Variants in NXPH1 observed in about 807,000 individuals in gnomAD.
NXPH1 encodes the protein neurexophilin-1.
In NXPH1, 5 loss-of-function variants were observed where a neutral mutation model predicts 23.7. That is an observed-to-expected ratio of 0.21 (90% CI 0.11 to 0.44). The LOEUF (loss-of-function observed/expected upper bound fraction) is 0.44, where lower values mean the gene tolerates loss of function less well. NXPH1 is among the 20% of genes least tolerant of loss of function. The pLI is 0.99. For synonymous variants in NXPH1, 144 were observed against 122.2 expected (o/e 1.18, Z -1.18); for missense variants, 324 against 321.6 (o/e 1.01, Z -0.06).
At chr7:8,645,562 T>G in intron 2 of NXPH1, among the ~76,000 whole-genome samples, 1 of 152,104 alleles carries the variant, frequency 6.6e-6, no homozygotes. Context: ...CAACCCTTTT[T>G]TGATTATATC....
At chr7:8,716,984 G>T (rs775688548) in intron 2 of NXPH1, among the ~76,000 whole-genome samples, 40 of 152,154 alleles carry the variant, frequency 2.6e-4, no homozygotes, top group African/African-American at 9.7e-4. Context: ...TGGTGCCCCA[G>T]TACCCACCTT....
chr7:8,445,152 G>A (rs1191880589), intron 2 of NXPH1, among the ~76,000 whole-genome samples: 1 of 152,198 alleles, frequency 6.6e-6, no homozygotes, highest in African/African-American at 2.4e-5. Context: ...AATTAAGGAA[G>A]TGCTTATATT....
intron 2 of NXPH1, among the ~76,000 whole-genome samples, chr7:8,456,989 CAT>C (rs1816606668): frequency 6.6e-6 from 1 of 152,190 alleles, no homozygotes; most frequent in African/African-American, 2.4e-5. Flanking sequence ...ATCTTCTAAA[CAT>C]TGTCCCTGGC....
In NXPH1 at chr7:8,570,809, T is replaced by C. The variant is rs1360537532; in HGVS notation, c.54+135042T>C. On this transcript the variant is annotated intron_variant, in intron 2 of 2. Coordinates refer to ENST00000405863, the MANE Select transcript of NXPH1 (RefSeq NM_152745.3). ...TGGAATGGAAAGGAACAGGGCATGA[T>C]ACAGTCATGGTAGATTGGGTGGTTT... is the stretch of plus-strand genomic sequence containing the variant. Among the ~76,000 whole-genome samples the C allele has an allele frequency of 2.0e-5, 3 of 151,848 alleles. No individual in the cohort carries two copies. The East Asian group carries it at 5.8e-4, about 29-fold the overall frequency.
intron 2 of NXPH1, among the ~76,000 whole-genome samples, chr7:8,486,027 A>G (rs958614404): frequency 1.3e-5 from 2 of 152,186 alleles, no homozygotes; most frequent in African/African-American, 4.8e-5. Context: ...ATGCCTAGAA[A>G]GAGTTACTCT....
intron 2 of NXPH1, among the ~76,000 whole-genome samples, chr7:8,695,097 G>C (rs1821285564): frequency 6.6e-6 from 1 of 152,160 alleles, no homozygotes; most frequent in Non-Finnish European, 1.5e-5. Flanking sequence ...AATATTCATT[G>C]CTGATATTAT....
intron 2 of NXPH1, among the ~76,000 whole-genome samples, chr7:8,479,190 A>G (rs1248898178): frequency 6.6e-6 from 1 of 152,140 alleles, no homozygotes; most frequent in Non-Finnish European, 1.5e-5. Context: ...ATTTAATAAA[A>G]TGAATATAAG....
rs1316303029 is a variant in NXPH1, at chr7:8,528,465, CAT to C, written c.54+92699_54+92700del. The stretch of plus-strand genomic sequence containing the variant: ...CACAAGTAAACAACATGTACAGACA[CAT>C]GATTCATTTTAACATGAAATCTGCA... On this transcript the variant is annotated intron_variant, in intron 2 of 2. Coordinates refer to ENST00000405863, the MANE Select transcript of NXPH1 (RefSeq NM_152745.3). Among the ~76,000 whole-genome samples, 6 of 152,250 alleles carry C rather than the reference CAT, an allele frequency of 3.9e-5. No homozygotes were observed. In the East Asian group the frequency reaches 7.7e-4, roughly 19 times the overall value.
At position 8,510,845 on chromosome 7, in the gene NXPH1, C is replaced by T. The variant is rs142291418; in HGVS notation, c.54+75078C>T. ...CCACTCTACACTGAAAGTATAGTCTCTCTCAATAGGCACTTGCTTTTTGGC... is the reference window on the plus strand; with the variant it reads ...CCACTCTACACTGAAAGTATAGTCTTTCTCAATAGGCACTTGCTTTTTGGC... On this transcript the variant is annotated intron_variant, in intron 2 of 2. Coordinates refer to ENST00000405863, the MANE Select transcript of NXPH1 (RefSeq NM_152745.3). 7.9e-5 allele frequency among the ~76,000 whole-genome samples: 12 copies of T among 152,234 alleles called. No individual in the cohort carries two copies. In the East Asian group the frequency reaches 2.3e-3, roughly 29 times the overall value.
chr7:8,561,762 A>G (rs1818449718), intron 2 of NXPH1, among the ~76,000 whole-genome samples: 1 of 151,682 alleles, frequency 6.6e-6, no homozygotes, highest in Non-Finnish European at 1.5e-5. Flanking sequence ...AAAAAAGTGT[A>G]GAGCACCAGG....
At chr7:8,471,429 G>A (rs532886953) in intron 2 of NXPH1, among the ~76,000 whole-genome samples, 1 of 152,292 alleles carries the variant, frequency 6.6e-6, no homozygotes, top group Admixed American at 6.5e-5. Flanking sequence ...GAAGGACAGA[G>A]GGTTAAGGAT....
intron 2 of NXPH1, among the ~76,000 whole-genome samples, chr7:8,572,247 A>G (rs914635392): frequency 6.6e-6 from 1 of 151,996 alleles, no homozygotes; most frequent in Admixed American, 6.6e-5. Flanking sequence ...AATAATTGCA[A>G]TATATATATT....
At chr7:8,567,029 C>T (rs924627870) in intron 2 of NXPH1, among the ~76,000 whole-genome samples, 2 of 151,868 alleles carry the variant, frequency 1.3e-5, no homozygotes, top group African/African-American at 4.8e-5. Flanking sequence ...TCTTGACCGT[C>T]TGCTTTATCT....
At chr7:8,490,582 A>T (rs562797676) in intron 2 of NXPH1, among the ~76,000 whole-genome samples, 107 of 152,124 alleles carry the variant, frequency 7.0e-4, no homozygotes, top group Non-Finnish European at 1.1e-3. Flanking sequence ...TACATTTATA[A>T]CTGGGGAGCG....
chr7:8,449,889 A>T (rs1056719268), intron 2 of NXPH1, among the ~76,000 whole-genome samples: 3 of 152,186 alleles, frequency 2.0e-5, no homozygotes, highest in African/African-American at 7.2e-5. Flanking sequence ...GGGACTTCCC[A>T]TCAAATGGGG....
intron 2 of NXPH1, among the ~76,000 whole-genome samples, chr7:8,449,848 T>C (rs1307758863): frequency 3.3e-5 from 5 of 152,218 alleles, no homozygotes; most frequent in Non-Finnish European, 7.3e-5. Flanking sequence ...TGTAGTTAAG[T>C]AGTTTTATTA....
At chr7:8,511,213 T>G (rs1222008689) in intron 2 of NXPH1, among the ~76,000 whole-genome samples, 3 of 152,168 alleles carry the variant, frequency 2.0e-5, no homozygotes, top group Non-Finnish European at 4.4e-5. Flanking sequence ...ATCTGGGGCA[T>G]TACTCATATC....
intron 2 of NXPH1, among the ~76,000 whole-genome samples, chr7:8,517,584 A>T (rs924963467): frequency 9.2e-5 from 14 of 152,146 alleles, no homozygotes; most frequent in Admixed American, 2.6e-4. Flanking sequence ...AAGCAGACAG[A>T]TACACAAGGA....
chr7:8,684,177 T>G (rs1205862047), intron 2 of NXPH1, among the ~76,000 whole-genome samples: 1 of 152,182 alleles, frequency 6.6e-6, no homozygotes, highest in African/African-American at 2.4e-5. Context: ...GGGTCTGCCT[T>G]TTCAGGAAGA....
Sources: allele counts gnomAD v4.1 joint callset (sites outside exome capture counted in the v4.1 genomes callset), GRCh38; gene constraint gnomAD v4.1.1; transcripts MANE v1.5; gene names NCBI Gene and HGNC (gene_info 2026-07-23, HGNC 2026-07-21).